Variants in ANKFN1 observed in about 807,000 individuals in gnomAD.
The protein encoded by ANKFN1 is ankyrin repeat and fibronectin type-III domain-containing protein 1.
ANKFN1 carries 74 observed loss-of-function variants against 108.7 expected under a neutral mutation model. The ratio of observed to expected loss-of-function variants is 0.68; its 90% CI spans 0.56 to 0.83. ANKFN1 has a LOEUF of 0.83. ANKFN1 is among the 40% of genes least tolerant of loss of function. The pLI, the probability that ANKFN1 is intolerant of heterozygous loss-of-function variation, is 0.00. For synonymous variants in ANKFN1, 547 were observed against 516.2 expected, an observed-to-expected ratio of 1.06 and a Z score of -0.81; for missense variants, 1,505 against 1,382.3, an observed-to-expected ratio of 1.09 and a Z score of -1.41.
intron 8 of ANKFN1, among the ~76,000 whole-genome samples, chr17:56,410,958 A>G (rs1396670206): frequency 6.6e-6 from 1 of 152,022 alleles, no homozygotes; most frequent in Non-Finnish European, 1.5e-5. Flanking sequence ...CAGTTTTGTT[A>G]TTTTTGCTCA....
intron 11 of ANKFN1, among the ~76,000 whole-genome samples, chr17:56,450,660 C>G (rs1568011306): frequency 6.6e-6 from 1 of 152,170 alleles, no homozygotes; most frequent in Non-Finnish European, 1.5e-5. Context: ...TTCTCATCTT[C>G]TGCCTTTCCA....
At chr17:56,504,829 A>ATTTTTTTT (rs5821133) in intron 20 of ANKFN1, among the ~76,000 whole-genome samples, 1 of 116,498 alleles carries the variant, frequency 8.6e-6, no homozygotes, top group Non-Finnish European at 1.7e-5. Context: ...TAATTTTTGG[A>ATTTTTTTT]TTTTTTTTTT....
chr17:56,275,115 A>G (rs566449223), intron 3 of ANKFN1, among the ~76,000 whole-genome samples: 3 of 152,290 alleles, frequency 2.0e-5, no homozygotes, highest in African/African-American at 7.2e-5. Context: ...TTCATGTGCT[A>G]TAATCACTGA....
intron 19 of ANKFN1, among the ~76,000 whole-genome samples, chr17:56,498,565 T>C (rs1015566000): frequency 6.6e-6 from 1 of 152,140 alleles, no homozygotes; most frequent in Non-Finnish European, 1.5e-5. Flanking sequence ...ATTTTACAAA[T>C]AAAGCAACTA....
intron 20 of ANKFN1, among the ~76,000 whole-genome samples, chr17:56,503,070 A>G (rs1388864514): frequency 1.3e-5 from 2 of 152,114 alleles, no homozygotes; most frequent in East Asian, 1.9e-4. Flanking sequence ...GGTCCATCAC[A>G]TGGGTATTTT....
chr17:56,212,514 T>C (rs879550481), intron 1 of ANKFN1, among the ~76,000 whole-genome samples, 84 bp from the exon 2 acceptor site: 1 of 152,176 alleles, frequency 6.6e-6, no homozygotes, highest in Non-Finnish European at 1.5e-5. Flanking sequence ...TTTTGCTATG[T>C]TATTTTCTGG....
chr17:56,189,170 C>CATTTTTTTTTTTTTTTTTTTT (rs1555607722), intron 1 of ANKFN1, among the ~76,000 whole-genome samples: 1 of 85,290 alleles, frequency 1.2e-5, no homozygotes, highest in Non-Finnish European at 1.9e-5. Context: ...GTTGCCCTGA[C>CATTTTTTTTTTTTTTTTTTTT]TTTTTTTTTT....
intron 4 of ANKFN1, among the ~76,000 whole-genome samples, chr17:56,079,038 G>C (rs1905214581): frequency 6.6e-6 from 1 of 152,180 alleles, no homozygotes; most frequent in South Asian, 2.1e-4. Context: ...GTTCCCTGTA[G>C]CTCTTAAACG....
chr17:56,384,641 T>C (rs1026753701), intron 8 of ANKFN1, among the ~76,000 whole-genome samples: 2 of 152,164 alleles, frequency 1.3e-5, no homozygotes, highest in Non-Finnish European at 2.9e-5. Flanking sequence ...ACAAAATCAA[T>C]GTACAAAAAT....
chr17:56,498,296 T>C (rs1226629207), intron 19 of ANKFN1, among the ~76,000 whole-genome samples: 1 of 152,134 alleles, frequency 6.6e-6, no homozygotes, highest in Non-Finnish European at 1.5e-5. Flanking sequence ...GCAAAAATAT[T>C]CCAGTAGAGC....
At chr17:56,177,079 G>A (rs1911231967) in intron 1 of ANKFN1, among the ~76,000 whole-genome samples, 4 of 152,164 alleles carry the variant, frequency 2.6e-5, no homozygotes, top group Admixed American at 2.6e-4. Flanking sequence ...TTTCCCCAGA[G>A]CCCCCAGGTG....
chr17:56,132,620 A>G (rs544635429), intron 4 of ANKFN1, among the ~76,000 whole-genome samples: 1 of 152,260 alleles, frequency 6.6e-6, no homozygotes, highest in South Asian at 2.1e-4. Context: ...AACAAAATAT[A>G]CTCAAATGGG....
At chr17:56,301,926 G>GGCAAGT (rs1325623101) in intron 3 of ANKFN1, among the ~76,000 whole-genome samples, 3 of 152,158 alleles carry the variant, frequency 2.0e-5, no homozygotes, top group African/African-American at 4.8e-5. Flanking sequence ...AGATGTTGTA[G>GGCAAGT]GCAAGTGCAA....
intron 3 of ANKFN1, among the ~76,000 whole-genome samples, chr17:56,275,640 G>A (rs1369484131): frequency 1.3e-5 from 2 of 152,172 alleles, no homozygotes; most frequent in African/African-American, 4.8e-5. Flanking sequence ...AAAAAAGTAG[G>A]TGAATGATTG....
At chr17:56,294,998 T>C (rs2044465937) in intron 3 of ANKFN1, among the ~76,000 whole-genome samples, 1 of 152,236 alleles carries the variant, frequency 6.6e-6, no homozygotes, top group South Asian at 2.1e-4. Flanking sequence ...TGAGTTTGTT[T>C]GTGACCATCT....
chr17:56,398,128 A>G (rs1365931609), intron 8 of ANKFN1, among the ~76,000 whole-genome samples: 1 of 152,124 alleles, frequency 6.6e-6, no homozygotes, highest in Non-Finnish European at 1.5e-5. Context: ...ATTACTTAAT[A>G]TCTGTTTTTT....
intron 6 of ANKFN1, among the ~76,000 whole-genome samples, chr17:56,365,253 A>G (rs2046629174): frequency 6.6e-6 from 1 of 152,186 alleles, no homozygotes; most frequent in South Asian, 2.1e-4. Context: ...TTGCTAGTGT[A>G]TATTTCTGAA....
At chr17:56,301,625 T>A (rs763122121) in intron 3 of ANKFN1, among the ~76,000 whole-genome samples, 19 of 152,206 alleles carry the variant, frequency 1.2e-4, no homozygotes, top group Non-Finnish European at 1.9e-4. Context: ...TAGCCCCATT[T>A]AGCTGGATTT....
At chr17:56,290,152 A>G (rs1267192784) in intron 3 of ANKFN1, among the ~76,000 whole-genome samples, 1 of 151,880 alleles carries the variant, frequency 6.6e-6, no homozygotes, top group Admixed American at 6.6e-5. Flanking sequence ...TCCTCTGCTC[A>G]TTCCTTGCTC....
Sources: gnomAD v4.1 joint callset for allele counts (sites outside exome capture counted in the v4.1 genomes callset) on GRCh38, gnomAD v4.1.1 for gene constraint, MANE v1.5 for transcripts, NCBI Gene and HGNC (gene_info 2026-07-23, HGNC 2026-07-21) for gene names.